Variants in SMG6 observed in about 807,000 individuals in gnomAD.
SMG6 encodes telomerase-binding protein EST1A.
A neutral mutation model predicts 142.2 loss-of-function variants in SMG6; 66 were observed. The ratio of observed to expected loss-of-function variants is 0.46; its 90% CI spans 0.38 to 0.57. The LOEUF (loss-of-function observed/expected upper bound fraction) is 0.57, where lower values mean the gene tolerates loss of function less well. SMG6 is among the 20% of genes least tolerant of loss of function. SMG6 has a pLI of 0.00. For missense variants in SMG6, 1,793 were observed against 1,832.0 expected, an observed-to-expected ratio of 0.98 and a Z score of 0.39; for synonymous variants, 779 against 702.4, an observed-to-expected ratio of 1.11 and a Z score of -1.72.
rs1597306503 is a variant in SMG6, at chr17:2,060,021, G to T, written c.*1471C>A. Reference sequence around the variant, plus strand: ...AGAGCCCAGTCTTCTGAGACTCTAGGGGACTCCTACCCCCAAACTACTGGC... The same window carrying T: ...AGAGCCCAGTCTTCTGAGACTCTAGTGGACTCCTACCCCCAAACTACTGGC... On this transcript the variant is annotated 3_prime_UTR_variant, in exon 19 of 19. Coordinates refer to ENST00000263073, the MANE Select transcript of SMG6 (RefSeq NM_017575.5). 1 of 152,408 alleles carries T rather than the reference G, an allele frequency of 6.6e-6. No individual in the cohort carries two copies. The highest frequency in any genetic ancestry group is 6.5e-5 in the Admixed American group (1 of 15,270). The allele number at this position is 152,408 out of a possible 1,614,324, so 9.4% of individuals were successfully genotyped here.
chr17:2,188,356 G>A, intron 11 of SMG6, 43 bp downstream of exon 11: 1 of 1,554,004 alleles, frequency 6.4e-7, no homozygotes, highest in Non-Finnish European at 8.9e-7. Context: ...GACAAGGCCA[G>A]GCAACTGGAA....
intron 10 of SMG6, among the ~76,000 whole-genome samples, chr17:2,225,944 G>A (rs1017903205): frequency 6.6e-5 from 10 of 152,126 alleles, no homozygotes; most frequent in South Asian, 2.1e-4. Context: ...AATATAAATC[G>A]GATAAGGGCT....
intron 13 of SMG6, among the ~76,000 whole-genome samples, chr17:2,139,425 C>CT (rs375417133): frequency 0.036 from 5,026 of 139,184 alleles, 185 homozygotes; most frequent in African/African-American, 0.075. Flanking sequence ...CTGCTTTTTT[C>CT]TTTTTTTTTT....
chr17:2,099,673 C>T (rs968735558), intron 13 of SMG6, among the ~76,000 whole-genome samples: 4 of 152,114 alleles, frequency 2.6e-5, no homozygotes, highest in Admixed American at 2.6e-4. Context: ...ACAAGAGAAG[C>T]TTTGTTAACG....
chr17:2,096,478 G>A (rs1323505405), intron 13 of SMG6, among the ~76,000 whole-genome samples: 1 of 152,158 alleles, frequency 6.6e-6, no homozygotes, highest in Non-Finnish European at 1.5e-5. Context: ...CAAAGTGCTG[G>A]GATTACAGGC....
At position 2,061,210 on chromosome 17, in the gene SMG6, G is replaced by C; in HGVS notation, c.*282C>G. 2.7e-6 allele frequency: 1 copy of C among 372,234 alleles called. No homozygotes were observed. Among genetic ancestry groups the C allele is most frequent in the Non-Finnish European group, 5.1e-6 (1 of 196,892 alleles). The allele number at this position is 372,234 out of a possible 1,614,324, so 23.1% of individuals were successfully genotyped here. A position where few individuals can be genotyped will look rare whatever the true frequency, so the allele number is the denominator to read the frequency against. The stretch of plus-strand genomic sequence containing the variant: ...GGGAGGGAGAAAGGCTGAGAGCATG[G>C]GCGGCCTATCTGGCTTGCCCAGCTG... On this transcript the variant is annotated 3_prime_UTR_variant, in exon 19 of 19. Transcript: ENST00000263073.
chr17:2,082,096 C>T, intron 14 of SMG6, 140 bp from the exon 15 acceptor site: 2 of 781,576 alleles, frequency 2.6e-6, no homozygotes, highest in Non-Finnish European at 2.1e-6. Context: ...CTGGTGTGTG[C>T]TTCCCTCTAC....
intron 13 of SMG6, among the ~76,000 whole-genome samples, chr17:2,124,485 C>T (rs58471297): frequency 0.018 from 2,785 of 152,264 alleles, 51 homozygotes; most frequent in South Asian, 0.064. Context: ...AGGGTTCCTC[C>T]GCAGAGAGTC....
intron 18 of SMG6, chr17:2,062,520 C>T (rs1263951375): frequency 6.7e-6 from 1 of 148,924 alleles, no homozygotes; most frequent in Non-Finnish European, 1.5e-5. Context: ...TTTTTAAGCA[C>T]AGTCTCTCCA....
At chr17:2,210,759 T>TAAAAA (rs200480464) in intron 10 of SMG6, among the ~76,000 whole-genome samples, 5 of 123,314 alleles carry the variant, frequency 4.1e-5, no homozygotes, top group South Asian at 5.4e-4. Flanking sequence ...GCAAAAGCTT[T>TAAAAA]AAAAAAAAAT....
intron 13 of SMG6, among the ~76,000 whole-genome samples, chr17:2,157,448 C>T (rs1047790259): frequency 1.3e-5 from 2 of 152,224 alleles, no homozygotes; most frequent in African/African-American, 4.8e-5. Context: ...ACTACCTCTC[C>T]TGTTCCTCTG....
chr17:2,276,645 C>T (rs2074656037), intron 8 of SMG6, among the ~76,000 whole-genome samples: 1 of 152,182 alleles, frequency 6.6e-6, no homozygotes, highest in Non-Finnish European at 1.5e-5. Flanking sequence ...CTCGGTCTCC[C>T]AAAGTGCTGG....
chr17:2,091,411 A>C (rs564027451), intron 13 of SMG6, among the ~76,000 whole-genome samples: 1 of 152,338 alleles, frequency 6.6e-6, no homozygotes, highest in East Asian at 1.9e-4. Flanking sequence ...TACTTGAGTC[A>C]GAAGAAGTTG....
Position 2,298,224 on chromosome 17 carries a change from T to C in SMG6, c.1848-169A>G, listed in dbSNP as rs534565440. On this transcript the variant is annotated intron_variant, in intron 2 of 18. Coordinates refer to ENST00000263073, the MANE Select transcript of SMG6 (RefSeq NM_017575.5). The stretch of plus-strand genomic sequence containing the variant: ...TCCATTCTGCAGAGCAGAATGTCAT[T>C]CTAAAGATAGTTGTGTCTAGGAAAA... 2.0e-5 allele frequency among the ~76,000 whole-genome samples: 3 copies of C among 152,322 alleles called. No homozygotes were observed. The South Asian group carries it at 6.2e-4, about 32-fold the overall frequency.
At chr17:2,097,814 TCACTAAGACTAA>T (rs946175802) in intron 13 of SMG6, among the ~76,000 whole-genome samples, 22 of 152,192 alleles carry the variant, frequency 1.4e-4, no homozygotes, top group African/African-American at 4.8e-4. Context: ...ACTAAGACTT[TCACTAAGACTAA>T]AGTGTCTCCC....
intron 13 of SMG6, among the ~76,000 whole-genome samples, chr17:2,129,294 G>A (rs1283382372): frequency 1.3e-5 from 2 of 152,152 alleles, no homozygotes; most frequent in Non-Finnish European, 2.9e-5. Context: ...CTGTACTCCA[G>A]CCTGGGCAAT....
chr17:2,155,606 G>A (rs1406749301), intron 13 of SMG6, among the ~76,000 whole-genome samples: 1 of 152,190 alleles, frequency 6.6e-6, no homozygotes, highest in Non-Finnish European at 1.5e-5. Flanking sequence ...CAGTGAGCCT[G>A]AAGAAGAGAA....
At chr17:2,172,324 G>A (rs188205684) in intron 13 of SMG6, among the ~76,000 whole-genome samples, 1 of 152,202 alleles carries the variant, frequency 6.6e-6, no homozygotes, top group Admixed American at 6.5e-5. Context: ...GGGGAGGAAG[G>A]GGGAGAAAGG....
At chr17:2,231,140 A>G (rs1288459428) in intron 10 of SMG6, among the ~76,000 whole-genome samples, 1 of 152,166 alleles carries the variant, frequency 6.6e-6, no homozygotes, top group East Asian at 1.9e-4. Context: ...GACAGAAGTG[A>G]ATCACCACAG....
Sources: allele counts gnomAD v4.1 joint callset (sites outside exome capture counted in the v4.1 genomes callset), GRCh38; gene constraint gnomAD v4.1.1; transcripts MANE v1.5; gene names NCBI Gene and HGNC (gene_info 2026-07-23, HGNC 2026-07-21).